Variants in CACNA2D3 observed in about 807,000 individuals in gnomAD.
CACNA2D3 encodes the protein calcium voltage-gated channel auxiliary subunit alpha2delta 3, also known as voltage-dependent calcium channel subunit alpha-2/delta-3.
CACNA2D3 carries 60 observed loss-of-function variants against 160.6 expected under a neutral mutation model. The ratio of observed to expected loss-of-function variants is 0.37; its 90% CI spans 0.30 to 0.46. The LOEUF is 0.46. Among genes scored for constraint, CACNA2D3 ranks in the 20% least tolerant of loss-of-function variants. The probability of loss-of-function intolerance (pLI) is 1.00; values close to 1 mark genes in which losing one functional copy is unlikely to be tolerated. For missense variants in CACNA2D3, 1,205 were observed against 1,365.0 expected, an observed-to-expected ratio of 0.88 and a Z score of 1.85; for synonymous variants, 558 against 492.9, an observed-to-expected ratio of 1.13 and a Z score of -1.75.
intron 11 of CACNA2D3, among the ~76,000 whole-genome samples, chr3:54,707,748 G>A (rs1043653044): frequency 2.0e-5 from 3 of 152,152 alleles, no homozygotes; most frequent in African/African-American, 7.2e-5. Context: ...ATTTCACTAT[G>A]TGGGGTAGCT....
At chr3:54,983,952 C>T (rs6772025) in intron 29 of CACNA2D3, among the ~76,000 whole-genome samples, 1,989 of 152,226 alleles carry the variant, frequency 0.013, 45 homozygotes, top group African/African-American at 0.043. Context: ...GAGGTTTGGG[C>T]TTACCTTGCT....
intron 3 of CACNA2D3, among the ~76,000 whole-genome samples, chr3:54,361,540 A>G (rs1698743107): frequency 6.6e-6 from 1 of 152,240 alleles, no homozygotes; most frequent in South Asian, 2.1e-4. Context: ...CTGCATTACA[A>G]TCAGCGACAT....
chr3:54,993,624 T>C (rs1702788155), intron 31 of CACNA2D3, among the ~76,000 whole-genome samples: 1 of 152,162 alleles, frequency 6.6e-6, no homozygotes, highest in Admixed American at 6.5e-5. Flanking sequence ...TTATCAAATA[T>C]CCAGAACTTG....
At chr3:54,132,651 A>G (rs1184915477) in intron 2 of CACNA2D3, among the ~76,000 whole-genome samples, 4 of 152,226 alleles carry the variant, frequency 2.6e-5, no homozygotes, top group Admixed American at 1.3e-4. Flanking sequence ...CAAATGCTTT[A>G]TGAATGATAG....
chr3:54,885,591 G>A lies in CACNA2D3; in HGVS notation c.2056+5G>A, dbSNP rs1699904705. The A allele has an allele frequency of 1.2e-6, 2 of 1,607,168 alleles. No individual in the cohort carries two copies. The highest frequency in any genetic ancestry group is 1.7e-6 in the Non-Finnish European group (2 of 1,175,124). On this transcript the variant is annotated splice_donor_5th_base_variant and intron_variant, in intron 23 of 37. Coordinates refer to ENST00000474759, the MANE Select transcript of CACNA2D3 (RefSeq NM_018398.3). ...GCAAAGAACCTCTGCTCCAGTGTGA[G>A]TATGCTTTCAAAAGTGTGCTGTGCC...
Position 54,357,233 on chromosome 3 carries a change from A to C in CACNA2D3, c.322-29482A>C, listed in dbSNP as rs1255989476. 2.6e-5 allele frequency among the ~76,000 whole-genome samples: 4 copies of C among 152,328 alleles called. No individual in the cohort carries two copies. The South Asian group carries it at 6.2e-4, about 24-fold the overall frequency. On this transcript the variant is annotated intron_variant, in intron 3 of 37. Transcript: ENST00000474759. ...TTAATGCATATCTATTAAATGAATG[A>C]GGCATGGTCAGCGGGTGCAATTAGC... is the stretch of plus-strand genomic sequence containing the variant.
intron 2 of CACNA2D3, among the ~76,000 whole-genome samples, chr3:54,221,988 A>G (rs1701583013): frequency 6.6e-6 from 1 of 152,172 alleles, no homozygotes; most frequent in South Asian, 2.1e-4. Context: ...TGTTGGGATA[A>G]CAGGTGTGAA....
At chr3:54,984,034 C>T (rs1412590996) in intron 29 of CACNA2D3, among the ~76,000 whole-genome samples, 1 of 152,180 alleles carries the variant, frequency 6.6e-6, no homozygotes, top group Non-Finnish European at 1.5e-5. Context: ...CAATTAAAAA[C>T]ACAGTTTGAA....
intron 27 of CACNA2D3, among the ~76,000 whole-genome samples, chr3:54,966,140 G>A (rs1329593382): frequency 2.0e-5 from 3 of 152,130 alleles, no homozygotes; most frequent in Non-Finnish European, 2.9e-5. Flanking sequence ...GGGGGTGGGG[G>A]TCTCAGAAAG....
chr3:54,204,821 G>GAAAAAAAAAAAA (rs1701245466), intron 2 of CACNA2D3, among the ~76,000 whole-genome samples: 1 of 94,612 alleles, frequency 1.1e-5, no homozygotes, highest in Non-Finnish European at 2.3e-5. Flanking sequence ...AAAAAAAAAA[G>GAAAAAAAAAAAA]AAAAAGCAAA....
intron 16 of CACNA2D3, among the ~76,000 whole-genome samples, chr3:54,841,044 C>T (rs1442219540): frequency 6.6e-6 from 1 of 152,084 alleles, no homozygotes; most frequent in African/African-American, 2.4e-5. Context: ...ATTTTAACCT[C>T]TGTAACCACA....
intron 30 of CACNA2D3, among the ~76,000 whole-genome samples, chr3:54,986,240 G>A (rs939691505): frequency 1.3e-5 from 2 of 152,124 alleles, no homozygotes; most frequent in Admixed American, 1.3e-4. Flanking sequence ...CTCTGTTTCA[G>A]CCATGAGCAG....
chr3:54,421,751 G>T (rs550651264), intron 4 of CACNA2D3, among the ~76,000 whole-genome samples: 3 of 152,284 alleles, frequency 2.0e-5, no homozygotes, highest in African/African-American at 7.2e-5. Context: ...CATATGAGAA[G>T]AGGAGATTCA....
intron 9 of CACNA2D3, among the ~76,000 whole-genome samples, chr3:54,582,774 G>A (rs1702699233): frequency 2.6e-5 from 4 of 152,324 alleles, no homozygotes; most frequent in African/African-American, 7.2e-5. Flanking sequence ...CCCCTGGCTC[G>A]TATTGTGTTG....
chr3:54,247,855 T>TTTG (rs1451041869), intron 2 of CACNA2D3, among the ~76,000 whole-genome samples: 3,401 of 151,828 alleles, frequency 0.022, 90 homozygotes, highest in African/African-American at 0.067. Context: ...TCTTGTCTCA[T>TTTG]ATCTGCCATG....
intron 35 of CACNA2D3, among the ~76,000 whole-genome samples, chr3:55,030,601 G>T (rs1257212914): frequency 6.6e-6 from 1 of 152,030 alleles, no homozygotes; most frequent in Non-Finnish European, 1.5e-5. Context: ...ATGAAAGTGG[G>T]GTCCAAAGAT....
chr3:54,568,936 A>G (rs892771562), intron 6 of CACNA2D3, among the ~76,000 whole-genome samples: 1 of 152,202 alleles, frequency 6.6e-6, no homozygotes, highest in African/African-American at 2.4e-5. Flanking sequence ...TCTCAATGCC[A>G]TCAGCTGAGT....
At chr3:54,180,352 T>A (rs1413955708) in intron 2 of CACNA2D3, among the ~76,000 whole-genome samples, 1 of 152,182 alleles carries the variant, frequency 6.6e-6, no homozygotes, top group African/African-American at 2.4e-5. Context: ...TGCTTTGTCC[T>A]CACAACAGCC....
chr3:54,636,046 A>C (rs1699363607), intron 10 of CACNA2D3, among the ~76,000 whole-genome samples: 2 of 151,840 alleles, frequency 1.3e-5, no homozygotes, highest in Non-Finnish European at 2.9e-5. Context: ...ATGTGTAGGG[A>C]AGGGAGGGGG....
Sources: gnomAD v4.1 joint callset for allele counts (sites outside exome capture counted in the v4.1 genomes callset) on GRCh38, gnomAD v4.1.1 for gene constraint, MANE v1.5 for transcripts, NCBI Gene and HGNC (gene_info 2026-07-23, HGNC 2026-07-21) for gene names.